Variants in MRPL50 observed in about 807,000 individuals in gnomAD.
MRPL50 encodes mitochondrial ribosomal protein L50.
In MRPL50, 10 loss-of-function variants were observed where a neutral mutation model predicts 16.2. The observed-to-expected ratio is 0.62, with a 90% CI of 0.38 to 1.05. MRPL50 has a LOEUF of 1.05. Among genes scored for constraint, MRPL50 ranks in the 50% least tolerant of loss-of-function variants. The pLI, the probability that MRPL50 is intolerant of heterozygous loss-of-function variation, is 0.01. For synonymous variants in MRPL50, 68 were observed against 66.8 expected (o/e 1.02, Z -0.09); for missense variants, 213 against 187.1 (o/e 1.14, Z -0.81).
chr9:101,397,173 C>A (rs1018137862), intron 1 of MRPL50, among the ~76,000 whole-genome samples: 1 of 151,874 alleles, frequency 6.6e-6, no homozygotes, highest in Non-Finnish European at 1.5e-5. Context: ...CACAAAAATT[C>A]TAACTGGCCA....
chr9:101,397,388 T>C (rs1051304523), intron 1 of MRPL50, among the ~76,000 whole-genome samples: 1 of 152,174 alleles, frequency 6.6e-6, no homozygotes, highest in Non-Finnish European at 1.5e-5. Context: ...CTTAAATATA[T>C]AAAATTTTTA....
rs150561906 is a variant in MRPL50, at chr9:101,398,588, G to C, written c.5C>G (p.Ala2Gly). 1.2e-6 allele frequency: 2 copies of C among 1,613,464 alleles called. No individual in the cohort carries two copies. The highest frequency in any genetic ancestry group is 4.5e-5 in the East Asian group (2 of 44,880). M[A>G]ARSVSGITRR... ...GGTAATGCCCGACACAGATCGCGCC[G>C]CCATCTTCGATGAGATCCACGGGCC... The change falls in exon 1 of 2, where the codon GCG becomes GGG. Residue 2 changes from alanine (A) to glycine (G), a missense_variant. By Grantham distance (60) the Ala-to-Gly change is moderately conservative. Coordinates refer to ENST00000374865, the MANE Select transcript of MRPL50 (RefSeq NM_019051.3).
intron 1 of MRPL50, among the ~76,000 whole-genome samples, chr9:101,395,737 A>G (rs913648814): frequency 6.6e-6 from 1 of 152,022 alleles, no homozygotes. Context: ...TGGAGGTAGT[A>G]ATAAATTGAT....
intron 1 of MRPL50, among the ~76,000 whole-genome samples, chr9:101,392,205 G>T (rs1361595712): frequency 1.3e-5 from 2 of 151,434 alleles, no homozygotes; most frequent in East Asian, 3.9e-4. Flanking sequence ...ACATCTACAT[G>T]AAAAAAGAAA....
chr9:101,394,512 A>G (rs1434991401), intron 1 of MRPL50, among the ~76,000 whole-genome samples: 1 of 152,128 alleles, frequency 6.6e-6, no homozygotes, highest in Non-Finnish European at 1.5e-5. Context: ...CTGCCAAATT[A>G]TCTTTAAAAC....
Position 101,389,028 on chromosome 9 carries a change from C to T in MRPL50, c.*1438G>A, listed in dbSNP as rs948381032. On this transcript the variant is annotated 3_prime_UTR_variant, in exon 2 of 2. Coordinates refer to ENST00000374865, the MANE Select transcript of MRPL50 (RefSeq NM_019051.3). Reference sequence around the variant, plus strand: ...TTATTCACAATAGTTATGTTCACAACTATTTACATACTATTCACAATTGTA... The same window carrying T: ...TTATTCACAATAGTTATGTTCACAATTATTTACATACTATTCACAATTGTA... 3 of 152,368 alleles carry T rather than the reference C, an allele frequency of 2.0e-5. No homozygotes were observed. Among genetic ancestry groups the T allele is most frequent in the African/African-American group, 7.2e-5 (3 of 41,394 alleles). The allele number at this position is 152,368 out of a possible 1,614,324, so 9.4% of individuals were successfully genotyped here.
intron 1 of MRPL50, among the ~76,000 whole-genome samples, chr9:101,395,296 A>G (rs1408641302): frequency 1.3e-5 from 2 of 152,234 alleles, no homozygotes; most frequent in Non-Finnish European, 2.9e-5. Context: ...TGTAAAGGGG[A>G]ATACCAGTAC....
rs574556446 is a variant in MRPL50 at position 101,394,311 on chromosome 9, A to G, written c.93-3461T>C. On this transcript the variant is annotated intron_variant, in intron 1 of 1. Transcript: ENST00000374865. ...GGATAACACTGCTATTGTAAAATTCAAGGTCAGTGCTTGAGATATTTTGCA... is the reference window on the plus strand; with the variant it reads ...GGATAACACTGCTATTGTAAAATTCGAGGTCAGTGCTTGAGATATTTTGCA... Among the ~76,000 whole-genome samples the G allele has an allele frequency of 2.4e-4, 37 of 152,294 alleles. No homozygotes were observed. In the South Asian group the frequency reaches 5.6e-3, roughly 23 times the overall value.
intron 1 of MRPL50, among the ~76,000 whole-genome samples, chr9:101,397,795 G>C (rs1341980265): frequency 6.6e-6 from 1 of 152,164 alleles, no homozygotes; most frequent in Non-Finnish European, 1.5e-5. Context: ...CCTACCATAC[G>C]TTTTGATTTC....
At chr9:101,392,710 A>G (rs1264128392) in intron 1 of MRPL50, among the ~76,000 whole-genome samples, 1 of 152,074 alleles carries the variant, frequency 6.6e-6, no homozygotes, top group Admixed American at 6.6e-5. Flanking sequence ...TTAAAGAAGA[A>G]CTAATGCCAA....
rs761979447 is a variant in MRPL50, at chr9:101,398,561, C to T, written c.32G>A (p.Arg11Lys). The change falls in exon 1 of 2, where the codon AGA (arginine) becomes AAA (lysine). Residue 11 changes from arginine (R) to lysine (K), a missense_variant. Transcript: ENST00000374865. ...TGAGACTGTCCACATGAAGACTCTT[C>T]TGGTAATGCCCGACACAGATCGCGC... MAARSVSGIT[R>K]RVFMWTVSGT... 3 of 1,614,064 alleles carry T rather than the reference C, an allele frequency of 1.9e-6. No individual in the cohort carries two copies. The highest frequency in any genetic ancestry group is 1.1e-5 in the South Asian group (1 of 91,080).
intron 1 of MRPL50, among the ~76,000 whole-genome samples, chr9:101,397,997 C>T (rs1188709934): frequency 4.6e-5 from 7 of 152,156 alleles, no homozygotes. Flanking sequence ...GTTGGAGTAC[C>T]TCGAGGATGA....
chr9:101,396,032 C>T (rs1367127313), intron 1 of MRPL50, among the ~76,000 whole-genome samples: 1 of 152,054 alleles, frequency 6.6e-6, no homozygotes, highest in East Asian at 1.9e-4. Context: ...ATGCTTGCAT[C>T]AAAATATCAC....
rs1362378788 is a variant in MRPL50 at position 101,389,914 on chromosome 9, T to G, written c.*552A>C. 1 of 741,186 alleles carries G rather than the reference T, an allele frequency of 1.3e-6. No individual in the cohort carries two copies. The highest frequency in any genetic ancestry group is 1.9e-5 in the African/African-American group (1 of 52,056). The allele number at this position is 741,186 out of a possible 1,614,324, so 45.9% of individuals were successfully genotyped here. On this transcript the variant is annotated 3_prime_UTR_variant, in exon 2 of 2. Transcript: ENST00000374865. ...CAAAATTATACTTACTGGAAAGAAA[T>G]GGCAAGGCAGAGCGCAAGCAAATTT...
At chr9:101,397,460 A>G (rs1830370224) in intron 1 of MRPL50, among the ~76,000 whole-genome samples, 2 of 152,188 alleles carry the variant, frequency 1.3e-5, no homozygotes, top group South Asian at 4.1e-4. Flanking sequence ...TTTCTTCATA[A>G]TTTACCACTT....
Position 101,397,093 on chromosome 9 carries a change from G to C in MRPL50, c.92+1408C>G, listed in dbSNP as rs530123430. Among the ~76,000 whole-genome samples the C allele has an allele frequency of 2.4e-4, 37 of 152,274 alleles. No homozygotes were observed. The East Asian group carries it at 6.4e-3, about 26-fold the overall frequency. Reference sequence around the variant, plus strand: ...GAGATCTAATGTACACCATGGTGACGATCATTAATAATACTGTACTGTATA... The same window carrying C: ...GAGATCTAATGTACACCATGGTGACCATCATTAATAATACTGTACTGTATA... On this transcript the variant is annotated intron_variant, in intron 1 of 1. Transcript: ENST00000374865.
intron 1 of MRPL50, among the ~76,000 whole-genome samples, chr9:101,398,129 C>G (rs1291042657): frequency 1.3e-5 from 2 of 152,162 alleles, no homozygotes; most frequent in Non-Finnish European, 2.9e-5. Flanking sequence ...CATTACTGAA[C>G]CTTGCTTGTG....
chr9:101,397,387 A>T (rs116514254), intron 1 of MRPL50, among the ~76,000 whole-genome samples: 1,831 of 152,322 alleles, frequency 0.012, 40 homozygotes, highest in African/African-American at 0.041. Context: ...TCTTAAATAT[A>T]TAAAATTTTT....
chr9:101,392,057 C>A (rs1830280545), intron 1 of MRPL50, among the ~76,000 whole-genome samples: 2 of 151,886 alleles, frequency 1.3e-5, no homozygotes, highest in South Asian at 2.1e-4. Context: ...TAACATGCTC[C>A]CAAATGACCA....
Sources: gnomAD v4.1 joint callset for allele counts (sites outside exome capture counted in the v4.1 genomes callset) on GRCh38, gnomAD v4.1.1 for gene constraint, MANE v1.5 for transcripts, NCBI Gene and HGNC (gene_info 2026-07-23, HGNC 2026-07-21) for gene names.